The following GMCL1 variants were observed in gnomAD, a reference collection of about 807,000 sequenced individuals.
GMCL1 encodes the protein germ cell-less protein-like 1.
Under a neutral mutation model 75.5 loss-of-function variants are expected in GMCL1, and 54 were observed. The ratio of observed to expected loss-of-function variants is 0.71; its 90% CI spans 0.57 to 0.90. The LOEUF (loss-of-function observed/expected upper bound fraction) is 0.90, where lower values mean the gene tolerates loss of function less well. GMCL1 is among the 40% of genes least tolerant of loss of function. The pLI is 0.00. For synonymous variants in GMCL1, 210 were observed against 209.6 expected, an observed-to-expected ratio of 1.00 and a Z score of -0.02; for missense variants, 537 against 622.7, an observed-to-expected ratio of 0.86 and a Z score of 1.47.
intron 13 of GMCL1, among the ~76,000 whole-genome samples, chr2:69,878,597 A>T (rs1443247285): frequency 1.3e-5 from 2 of 152,254 alleles, no homozygotes; most frequent in African/African-American, 4.8e-5. Context: ...ATATGTAAGT[A>T]TTTGATAGAA....
rs1458281488 is a variant in GMCL1 at position 69,830,009 on chromosome 2, G to A, written c.117G>A (p.Ala39=). The stretch of plus-strand genomic sequence containing the variant: ...GGCCGGACACTGGAGACGATGCGGC[G>A]GGCCACGGATTCTGTTACTGTGCGG... ...ARRPDTGDDA[A]GHGFCYCAGS... is the part of the protein sequence containing the mutation. The change falls in exon 1 of 14, where the codon GCG becomes GCA. Residue 39 remains alanine, a synonymous_variant. Coordinates refer to ENST00000282570, the MANE Select transcript of GMCL1 (RefSeq NM_178439.5). The A allele has an allele frequency of 1.9e-5, 30 of 1,566,488 alleles. No individual in the cohort carries two copies. The highest frequency in any genetic ancestry group is 2.5e-5 in the Non-Finnish European group (29 of 1,155,640).
chr2:69,869,921 A>C, intron 12 of GMCL1, 57 bp downstream of exon 12: 1 of 1,547,398 alleles, frequency 6.5e-7, no homozygotes. Context: ...TATAAGAAAT[A>C]AAACCTTGAT....
chr2:69,840,710 G>GTAA (rs1164286678), intron 3 of GMCL1, among the ~76,000 whole-genome samples: 13 of 152,320 alleles, frequency 8.5e-5, no homozygotes, highest in Admixed American at 3.3e-4. Context: ...TTAGAAGAAT[G>GTAA]CAGCTAGATT....
chr2:69,846,066 A>G (rs932018108), intron 6 of GMCL1, among the ~76,000 whole-genome samples: 4 of 151,896 alleles, frequency 2.6e-5, no homozygotes, highest in Admixed American at 1.3e-4. Context: ...TCAAGATACA[A>G]TTTATAGAAA....
chr2:69,858,520 G>A (rs1241946769), intron 9 of GMCL1, among the ~76,000 whole-genome samples: 1 of 152,130 alleles, frequency 6.6e-6, no homozygotes, highest in African/African-American at 2.4e-5. Flanking sequence ...GGAGATGATT[G>A]CATACAAACA....
Position 69,864,953 on chromosome 2 carries a change from G to A in GMCL1, c.1196G>A (p.Arg399Lys). Reference sequence around the variant, plus strand: ...GAGGGAAACAGCATGAGGTGTGGTAGAAAGCTTGCCAAAGATGGTGAAGTA... The same window carrying A: ...GAGGGAAACAGCATGAGGTGTGGTAAAAAGCTTGCCAAAGATGGTGAAGTA... ...ELEGNSMRCG[R>K]KLAKDGEYCW... The change falls in exon 11 of 14, where the codon AGA (arginine) becomes AAA (lysine). Residue 399 changes from arginine to lysine, a missense_variant. By Grantham distance (26) the Arg-to-Lys change is conservative. This residue lies in a region of GMCL1 where 345 missense variants were observed against 410.5 expected (regional missense o/e 0.84). Transcript: ENST00000282570. 1 of 1,613,500 alleles carries A rather than the reference G, an allele frequency of 6.2e-7. No homozygotes were observed. Among genetic ancestry groups the A allele is most frequent in the Non-Finnish European group, 8.5e-7 (1 of 1,179,540 alleles).
chr2:69,832,692 G>A (rs4853036), intron 1 of GMCL1, among the ~76,000 whole-genome samples: 56,308 of 151,956 alleles, frequency 0.37, 11,807 homozygotes, highest in African/African-American at 0.54. Flanking sequence ...TGCTTCTTTT[G>A]TCCAACAGGA....
rs1676250040 is a variant in GMCL1 at position 69,880,585 on chromosome 2, T to A, written c.*1581T>A. 1 of 152,340 alleles carries A rather than the reference T, an allele frequency of 6.6e-6. No individual in the cohort carries two copies. The highest frequency in any genetic ancestry group is 6.5e-5 in the Admixed American group (1 of 15,284). 9.4% of individuals were successfully genotyped at this position (152,340 alleles called of 1,614,324 possible). On this transcript the variant is annotated 3_prime_UTR_variant, in exon 14 of 14. Transcript: ENST00000282570. The stretch of plus-strand genomic sequence containing the variant: ...AGCCAGGTGTGGTGGCTCACACTTG[T>A]AAGCCCAGCACTTTGGGAGGCCGAG...
intron 1 of GMCL1, among the ~76,000 whole-genome samples, chr2:69,832,993 C>A (rs1674717039): frequency 6.6e-6 from 1 of 152,104 alleles, no homozygotes; most frequent in South Asian, 2.1e-4. Context: ...AGCTAAGATT[C>A]AGATGATGTT....
chr2:69,839,790 A>G (rs11888102), intron 3 of GMCL1, among the ~76,000 whole-genome samples: 31,408 of 151,886 alleles, frequency 0.21, 3,419 homozygotes, highest in African/African-American at 0.25. Context: ...AAATATGCCC[A>G]CCTGGGATAT....
In GMCL1 at chr2:69,861,356, A is replaced by T. The variant is rs1021889333; in HGVS notation, c.1142+9A>T. On this transcript the variant is annotated intron_variant, in intron 10 of 13. Transcript: ENST00000282570. ...CAGGACAGTGAGGTGGGGTAAGTAT[A>T]TTATACCTTATCATTTTTCATTAAA... The T allele has an allele frequency of 3.2e-6, 5 of 1,540,228 alleles. No homozygotes were observed. Among genetic ancestry groups the T allele is most frequent in the Non-Finnish European group, 3.5e-6 (4 of 1,134,862 alleles).
At chr2:69,855,536 A>G (rs1404530697) in intron 9 of GMCL1, among the ~76,000 whole-genome samples, 1 of 152,140 alleles carries the variant, frequency 6.6e-6, no homozygotes, top group African/African-American at 2.4e-5. Context: ...TAATGTTTGT[A>G]GTAATAATTA....
intron 6 of GMCL1, among the ~76,000 whole-genome samples, chr2:69,846,155 A>G (rs1675134566): frequency 6.6e-6 from 1 of 151,864 alleles, no homozygotes; most frequent in Non-Finnish European, 1.5e-5. Flanking sequence ...ATAATTTGGT[A>G]GAGAAGTGTG....
At chr2:69,851,114 G>T (rs1280870362) in intron 8 of GMCL1, among the ~76,000 whole-genome samples, 1 of 152,156 alleles carries the variant, frequency 6.6e-6, no homozygotes, top group African/African-American at 2.4e-5. Flanking sequence ...TGCACTTCCA[G>T]TTTGTAGGTT....
intron 8 of GMCL1, among the ~76,000 whole-genome samples, chr2:69,854,551 A>C (rs549660934): frequency 6.6e-6 from 1 of 152,124 alleles, no homozygotes; most frequent in Admixed American, 6.5e-5. Flanking sequence ...TCCTTTCCCA[A>C]CTTGCTGCAC....
chr2:69,837,698 G>T, intron 2 of GMCL1, 28 bp downstream of exon 2: 1 of 1,584,926 alleles, frequency 6.3e-7, no homozygotes, highest in South Asian at 1.2e-5. Context: ...TTGAGTAACA[G>T]GGTAGTCACT....
In GMCL1 at chr2:69,839,667, A is replaced by C. The variant is rs969082969; in HGVS notation, c.481+114A>C. 6 of 605,926 alleles carry C rather than the reference A, an allele frequency of 9.9e-6. No homozygotes were observed. The African/African-American group carries it at 1.1e-4, about 11-fold the overall frequency. 37.5% of individuals were successfully genotyped at this position (605,926 alleles called of 1,614,324 possible). ...TGTAGTCTAGAAAACTCCTTTTATC[A>C]CCTCAAGGTGATAATTTGATGTTGA... is the stretch of plus-strand genomic sequence containing the variant. On this transcript the variant is annotated intron_variant, in intron 3 of 13. Transcript: ENST00000282570.
intron 7 of GMCL1, 22 bp from the exon 8 acceptor site, chr2:69,849,630 T>C (rs1675252480): frequency 7.3e-7 from 1 of 1,378,254 alleles, no homozygotes; most frequent in African/African-American, 1.5e-5. Context: ...ATTGTTTTCT[T>C]ATTTAATTTT....
At chr2:69,846,113 G>T (rs13392221) in intron 6 of GMCL1, among the ~76,000 whole-genome samples, 12,209 of 152,006 alleles carry the variant, frequency 0.08, 1,272 homozygotes, top group Admixed American at 0.23. Context: ...CCTAGATTAT[G>T]GGGTTTTTTT....
Sources: allele counts gnomAD v4.1 joint callset (sites outside exome capture counted in the v4.1 genomes callset), GRCh38; gene constraint gnomAD v4.1.1; regional missense constraint gnomAD v4.1.1; transcripts MANE v1.5; gene names NCBI Gene and HGNC (gene_info 2026-07-23, HGNC 2026-07-21).